CDH12: variants seen among roughly 807,000 people sequenced by gnomAD.
CDH12 encodes cadherin-12.
In CDH12, 41 loss-of-function variants were observed where a neutral mutation model predicts 74.1. The observed-to-expected ratio is 0.55, with a 90% CI of 0.43 to 0.72. The LOEUF (loss-of-function observed/expected upper bound fraction) is 0.72. Among genes scored for constraint, CDH12 ranks in the 30% least tolerant of loss-of-function variants. The probability of loss-of-function intolerance (pLI) is 0.00; values close to 1 mark genes in which losing one functional copy is unlikely to be tolerated. For synonymous variants in CDH12, 399 were observed against 355.0 expected, an observed-to-expected ratio of 1.12 and a Z score of -1.39; for missense variants, 945 against 977.2, an observed-to-expected ratio of 0.97 and a Z score of 0.44.
intron 1 of CDH12, among the ~76,000 whole-genome samples, chr5:22,565,551 T>C (rs568840742): frequency 3.9e-5 from 6 of 152,300 alleles, no homozygotes; most frequent in Admixed American, 3.9e-4. Flanking sequence ...TTATATGCAA[T>C]CATTTGCTGC....
intron 3 of CDH12, among the ~76,000 whole-genome samples, chr5:22,329,382 T>C (rs1286155576): frequency 6.6e-6 from 1 of 152,160 alleles, no homozygotes; most frequent in African/African-American, 2.4e-5. Context: ...CACACAATTA[T>C]TCAATCTCCG....
intron 2 of CDH12, among the ~76,000 whole-genome samples, chr5:22,435,526 A>G (rs539322402): frequency 2.7e-3 from 189 of 70,616 alleles, no homozygotes; most frequent in South Asian, 0.011. Flanking sequence ...GTGTGTGTGT[A>G]TATACATATA....
At chr5:21,935,810 G>A (rs182290413) in intron 6 of CDH12, among the ~76,000 whole-genome samples, 1 of 152,200 alleles carries the variant, frequency 6.6e-6, no homozygotes, top group Admixed American at 6.5e-5. Context: ...ACTGTTTTAA[G>A]CCTTAGCTCC....
chr5:22,493,616 C>A (rs957785813), intron 2 of CDH12, among the ~76,000 whole-genome samples: 1 of 151,240 alleles, frequency 6.6e-6, no homozygotes, highest in Non-Finnish European at 1.5e-5. Flanking sequence ...TAAGAAGTAT[C>A]CATTGAGATG....
chr5:22,125,883 A>C (rs537499421), intron 4 of CDH12, among the ~76,000 whole-genome samples: 1 of 152,210 alleles, frequency 6.6e-6, no homozygotes, highest in Non-Finnish European at 1.5e-5. Flanking sequence ...TGTTTATTCC[A>C]AAATTATGCT....
intron 1 of CDH12, among the ~76,000 whole-genome samples, chr5:22,745,003 C>T (rs917114385): frequency 1.3e-5 from 2 of 151,154 alleles, no homozygotes; most frequent in South Asian, 2.1e-4. Flanking sequence ...ATAATTAACT[C>T]GGCTAGCTAA....
intron 6 of CDH12, among the ~76,000 whole-genome samples, chr5:21,893,316 C>CGTT (rs2150046257): frequency 6.6e-6 from 1 of 152,214 alleles, no homozygotes; most frequent in Admixed American, 6.5e-5. Context: ...TCAGCAAAAA[C>CGTT]AGGGCCACAA....
chr5:22,166,110 T>G (rs1748667027), intron 4 of CDH12, among the ~76,000 whole-genome samples: 2 of 152,182 alleles, frequency 1.3e-5, no homozygotes, highest in Admixed American at 6.5e-5. Flanking sequence ...CCAAGAACCC[T>G]CTGTTGGGGT....
chr5:22,343,673 C>T (rs1029878415), intron 3 of CDH12, among the ~76,000 whole-genome samples: 12 of 152,186 alleles, frequency 7.9e-5, no homozygotes, highest in Non-Finnish European at 1.2e-4. Context: ...CTGCCTCAGC[C>T]TCCCAAAGTG....
chr5:22,690,456 T>C (rs1294289175), intron 1 of CDH12, among the ~76,000 whole-genome samples: 2 of 152,166 alleles, frequency 1.3e-5, no homozygotes, highest in African/African-American at 4.8e-5. Flanking sequence ...CTGTAATGGT[T>C]AGCAAGTATT....
At position 22,239,625 on chromosome 5, in the gene CDH12, AT is replaced by A. The variant is rs1169720020; in HGVS notation, c.-332-26983del. Among the ~76,000 whole-genome samples, 6 of 152,318 alleles carry A rather than the reference AT, an allele frequency of 3.9e-5. No individual in the cohort carries two copies. The East Asian group carries it at 1.2e-3, about 29-fold the overall frequency. ...TAGACAAATAGATGGATAGAGAGAC[AT>A]TTTATGGCTCTCATGGTTATAGGGA... On this transcript the variant is annotated intron_variant, in intron 3 of 14. Coordinates refer to ENST00000382254, the MANE Select transcript of CDH12 (RefSeq NM_004061.5).
chr5:22,027,615 G>A (rs1321262934), intron 5 of CDH12, among the ~76,000 whole-genome samples: 2 of 152,116 alleles, frequency 1.3e-5, no homozygotes, highest in Non-Finnish European at 2.9e-5. Context: ...GGTGTTTGTA[G>A]TATTCTCTGA....
At chr5:22,612,659 T>A (rs1311512209) in intron 1 of CDH12, among the ~76,000 whole-genome samples, 2 of 152,112 alleles carry the variant, frequency 1.3e-5, no homozygotes, top group Admixed American at 1.3e-4. Context: ...CATCATTTGG[T>A]ATTTAAATTG....
chr5:22,449,994 C>G (rs776417768), intron 2 of CDH12, among the ~76,000 whole-genome samples: 10 of 151,912 alleles, frequency 6.6e-5, no homozygotes, highest in Non-Finnish European at 1.0e-4. Context: ...GATTATAAAA[C>G]AATAAAATTA....
chr5:22,012,170 G>A (rs945272342), intron 5 of CDH12, among the ~76,000 whole-genome samples: 15 of 152,080 alleles, frequency 9.9e-5, no homozygotes, highest in African/African-American at 3.6e-4. Flanking sequence ...TGGAATTTCT[G>A]ATTAGCAAAT....
chr5:21,862,484 A>G (rs150981110), intron 6 of CDH12, among the ~76,000 whole-genome samples: 1 of 152,268 alleles, frequency 6.6e-6, no homozygotes, highest in Non-Finnish European at 1.5e-5. Flanking sequence ...ACTAAGTCAC[A>G]GTTTCAGTTA....
At chr5:21,803,022 T>A (rs1747224409) in intron 9 of CDH12, among the ~76,000 whole-genome samples, 1 of 152,130 alleles carries the variant, frequency 6.6e-6, no homozygotes, top group African/African-American at 2.4e-5. Flanking sequence ...ATGAGCAAAG[T>A]TAAAACAGCA....
At chr5:21,921,982 C>A (rs1294424397) in intron 6 of CDH12, among the ~76,000 whole-genome samples, 2 of 152,140 alleles carry the variant, frequency 1.3e-5, no homozygotes, top group Non-Finnish European at 1.5e-5. Flanking sequence ...TCTTTTCATA[C>A]AATGAATACC....
chr5:22,244,802 A>G (rs72742045), intron 3 of CDH12, among the ~76,000 whole-genome samples: 4,076 of 65,574 alleles, frequency 0.062, 118 homozygotes, highest in Admixed American at 0.12. Flanking sequence ...GAAAGAAAGA[A>G]AAATTCAAAG....
Sources: gnomAD v4.1 joint callset for allele counts (sites outside exome capture counted in the v4.1 genomes callset) on GRCh38, gnomAD v4.1.1 for gene constraint, MANE v1.5 for transcripts, NCBI Gene and HGNC (gene_info 2026-07-23, HGNC 2026-07-21) for gene names.